CIITA: variants seen among roughly 807,000 people sequenced by gnomAD.
CIITA encodes the protein MHC class II transactivator.
Under a neutral mutation model 115.1 loss-of-function variants are expected in CIITA, and 72 were observed. That is an observed-to-expected ratio of 0.63 (90% CI 0.52 to 0.76). The LOEUF (loss-of-function observed/expected upper bound fraction) is 0.76. Ranked by LOEUF, CIITA falls within the 30% of genes least tolerant of loss-of-function variation. CIITA has a pLI of 0.00. For missense variants in CIITA, 1,617 were observed against 1,463.8 expected, an observed-to-expected ratio of 1.10 and a Z score of -1.71; for synonymous variants, 763 against 635.6, an observed-to-expected ratio of 1.20 and a Z score of -3.02.
chr16:10,914,009 C>CCTCACCACT (rs1227788243), intron 13 of CIITA, among the ~76,000 whole-genome samples: 2 of 149,802 alleles, frequency 1.3e-5, no homozygotes, highest in Non-Finnish European at 3.0e-5. Context: ...ACTCCATCCC[C>CCTCACCACT]CTCACCACTG....
intron 12 of CIITA, among the ~76,000 whole-genome samples, chr16:10,909,765 G>A (rs779257279): frequency 3.3e-5 from 5 of 152,126 alleles, no homozygotes; most frequent in South Asian, 2.1e-4. Flanking sequence ...ACAGGGTCTC[G>A]CTGTGTCTAC....
At position 10,901,992 on chromosome 16, in the gene CIITA, G is replaced by C. The variant is rs761881261; in HGVS notation, c.482-46G>C. The C allele has an allele frequency of 6.2e-7, 1 of 1,612,010 alleles. No homozygotes were observed. Among genetic ancestry groups the C allele is most frequent in the Non-Finnish European group, 8.5e-7 (1 of 1,179,654 alleles). ...TCCAGGGCCCTCCCCATCCCAGGAA[G>C]GCCCCTCCAAGCACCCAGTCTCTAA... is the stretch of plus-strand genomic sequence containing the variant. On this transcript the variant is annotated intron_variant, in intron 6 of 19. Coordinates refer to ENST00000324288, the MANE Select transcript of CIITA (RefSeq NM_000246.4). This position sits in a 1 kb window ranked among gnomAD's most constrained non-coding sequence, Gnocchi z 6.8.
rs1251278861 is a variant in CIITA at position 10,899,132 on chromosome 16, C to T, written c.436+130C>T. On this transcript the variant is annotated intron_variant, in intron 5 of 19. Coordinates refer to ENST00000324288, the MANE Select transcript of CIITA (RefSeq NM_000246.4). ...GTCTGGTTGGGAGGCCCTTTAAAAG[C>T]CAACAGGAGCCTTAAAATGTACATC... is the stretch of plus-strand genomic sequence containing the variant. 3.8e-6 allele frequency: 3 copies of T among 797,754 alleles called. No individual in the cohort carries two copies. The Admixed American group carries it at 6.0e-5, about 16-fold the overall frequency. 49.4% of individuals were successfully genotyped at this position (797,754 alleles called of 1,614,324 possible). A position where few individuals can be genotyped will look rare whatever the true frequency, so the allele number is the denominator to read the frequency against.
At chr16:10,885,557 C>G (rs1031024571) in intron 1 of CIITA, among the ~76,000 whole-genome samples, 1 of 150,992 alleles carries the variant, frequency 6.6e-6, no homozygotes, top group Non-Finnish European at 1.5e-5. Context: ...CTTAAGTCCT[C>G]TCTCTGTCTC....
rs1279723848 is a variant in CIITA, at chr16:10,936,053, GAAT to G, written c.*12204_*12206del. On this transcript the variant is annotated 3_prime_UTR_variant, in exon 20 of 20. Coordinates refer to ENST00000324288, the MANE Select transcript of CIITA (RefSeq NM_000246.4). Reference sequence around the variant, plus strand: ...TCACCCAGGCTGGAGTGCAGTGGTGGAATAATAACTCACTGCAGCCTTGAACTC... The same window carrying G: ...TCACCCAGGCTGGAGTGCAGTGGTGGAATAACTCACTGCAGCCTTGAACTC... The G allele has an allele frequency of 6.6e-6, 1 of 151,876 alleles. No homozygotes were observed. Among genetic ancestry groups the G allele is most frequent in the Non-Finnish European group, 1.5e-5 (1 of 68,010 alleles). The allele number at this position is 151,876 out of a possible 1,614,324, so 9.4% of individuals were successfully genotyped here.
intron 12 of CIITA, 134 bp from the exon 13 acceptor site, chr16:10,910,054 G>C (rs1410356336): frequency 1.4e-6 from 1 of 717,256 alleles, no homozygotes; most frequent in Non-Finnish European, 2.5e-6. Context: ...TTTTTAAGAG[G>C]GGGACAACAG....
Position 10,909,122 on chromosome 16 carries a change from C to G in CIITA, c.2751C>G (p.Ile917Met). Residue 917 changes from isoleucine (I) to methionine (M), a missense_variant, in exon 12 of 20, where the codon ATC becomes ATG. By Grantham distance (10) the Ile-to-Met change is conservative. Transcript: ENST00000324288. ...AGGCAGCAGAGGAGAAGTTCACCAT[C>G]GAGCCTTTCAAAGCCAAGTCCCTGA... Reference protein sequence around the residue: ...LLQAAEEKFTIEPFKAKSLKD... With the variant: ...LLQAAEEKFTMEPFKAKSLKD... 3.1e-6 allele frequency: 5 copies of G among 1,614,220 alleles called. No homozygotes were observed. The highest frequency in any genetic ancestry group is 4.2e-6 in the Non-Finnish European group (5 of 1,180,046).
Position 10,907,438 on chromosome 16 carries a change from C to G in CIITA, c.1946C>G (p.Ala649Gly). 7 of 1,613,166 alleles carry G rather than the reference C, an allele frequency of 4.3e-6. No homozygotes were observed. Among genetic ancestry groups the G allele is most frequent in the East Asian group, 4.5e-5 (2 of 44,862 alleles). The change falls in exon 11 of 20, where the codon GCC becomes GGC. Residue 649 changes from alanine to glycine, a missense_variant. Ala to Gly is a moderately conservative substitution (Grantham distance 60). Transcript: ENST00000324288. The surrounding 1 kb of genome is among the most constrained non-coding windows in gnomAD (Gnocchi z 5.0). ...TATGTCGGCCTGCTGGGCCGTGCAGCCCTCGACAGCCCCCCCGGGGCCCTG... is the reference window on the plus strand; with the variant it reads ...TATGTCGGCCTGCTGGGCCGTGCAGGCCTCGACAGCCCCCCCGGGGCCCTG... ...GLYVGLLGRAALDSPPGALAE... is the reference protein window; with the variant it reads ...GLYVGLLGRAGLDSPPGALAE...
Position 10,893,804 on chromosome 16 carries a change from T to TAAAAAAAAAAAAAA in CIITA, c.53-1461_53-1448dup, listed in dbSNP as rs71136603. ...AGCCTGGGTGACAGAGACTCCGTCT[T>TAAAAAAAAAAAAAA]AAAAAAAAAAAAAAAAAAAAAAAAA... On this transcript the variant is annotated intron_variant, in intron 1 of 19. Coordinates refer to ENST00000324288, the MANE Select transcript of CIITA (RefSeq NM_000246.4). Among the ~76,000 whole-genome samples, 50 of 32,170 alleles carry TAAAAAAAAAAAAAA rather than the reference T, an allele frequency of 1.6e-3. 6 individuals are homozygous for TAAAAAAAAAAAAAA. Among genetic ancestry groups the TAAAAAAAAAAAAAA allele is most frequent in the Admixed American group, 3.1e-3 (5 of 1,618 alleles). 21.1% of individuals were successfully genotyped at this position (32,170 alleles called of 152,430 possible).
At position 10,906,132 on chromosome 16, in the gene CIITA, G is replaced by A. The variant is rs1471231914; in HGVS notation, c.1007-367G>A. Reference sequence around the variant, plus strand: ...TGCTTGAGCCTGTGAGGTTGAAGCTGTGGTGGACCATGATTGTGCCATTGC... The same window carrying A: ...TGCTTGAGCCTGTGAGGTTGAAGCTATGGTGGACCATGATTGTGCCATTGC... On this transcript the variant is annotated intron_variant, in intron 10 of 19. Coordinates refer to ENST00000324288, the MANE Select transcript of CIITA (RefSeq NM_000246.4). 2.6e-5 allele frequency among the ~76,000 whole-genome samples: 4 copies of A among 152,070 alleles called. No homozygotes were observed. The East Asian group carries it at 7.7e-4, about 29-fold the overall frequency.
At chr16:10,886,438 T>A (rs1165311310) in intron 1 of CIITA, among the ~76,000 whole-genome samples, 2 of 152,164 alleles carry the variant, frequency 1.3e-5, no homozygotes, top group Admixed American at 6.5e-5. Flanking sequence ...GCAGTAACCA[T>A]CCTCAGATGG....
chr16:10,868,131 GT>G (rs1235019089), intron 1 of CIITA, among the ~76,000 whole-genome samples: 1 of 152,184 alleles, frequency 6.6e-6, no homozygotes, highest in Admixed American at 6.6e-5. Flanking sequence ...GAGAATAACA[GT>G]GATTGACATT....
upstream of CIITA, among the ~76,000 whole-genome samples, chr16:10,874,838 G>T (rs901728629): frequency 6.6e-6 from 1 of 152,148 alleles, no homozygotes; most frequent in Non-Finnish European, 1.5e-5. Context: ...GGGATGGGGG[G>T]ACATCAGAAC....
chr16:10,922,216 G>A lies in CIITA; in HGVS notation c.3199G>A (p.Val1067Met), dbSNP rs2040310320. Residue 1067 changes from valine to methionine, a missense_variant, in exon 17 of 20, where the codon GTG becomes ATG. Val to Met is a conservative substitution (Grantham distance 21). Coordinates refer to ENST00000324288, the MANE Select transcript of CIITA (RefSeq NM_000246.4). ...CGTGGGAGCCGAGAGCTTGGCTCGT[G>A]TGCTTCCGGACATGGTGTCCCTCCG... is the stretch of plus-strand genomic sequence containing the variant. ...CDVGAESLAR[V>M]LPDMVSLRVM... 5.0e-6 allele frequency: 8 copies of A among 1,614,256 alleles called. No homozygotes were observed. The highest frequency in any genetic ancestry group is 6.8e-6 in the Non-Finnish European group (8 of 1,180,048).
Position 10,942,933 on chromosome 16 carries a change from G to T in CIITA, n.2059G>T, listed in dbSNP as rs909162057. 1 of 152,234 alleles carries T rather than the reference G, an allele frequency of 6.6e-6. No homozygotes were observed. The highest frequency in any genetic ancestry group is 2.4e-5 in the African/African-American group (1 of 41,452). 9.4% of individuals were successfully genotyped at this position (152,234 alleles called of 1,614,324 possible). A position where few individuals can be genotyped will look rare whatever the true frequency, so the allele number is the denominator to read the frequency against. On this transcript the variant is annotated non_coding_transcript_exon_variant, in exon 2 of 2. Coordinates refer to the CIITA transcript ENST00000573379. This position sits in a 1 kb window ranked among gnomAD's most constrained non-coding sequence, Gnocchi z 5.0. ...TCGCTTCTCCAAACTCTGGTTGCTGGAAGGTCCGCCCACTACGGAACCTGC... is the reference window on the plus strand; with the variant it reads ...TCGCTTCTCCAAACTCTGGTTGCTGTAAGGTCCGCCCACTACGGAACCTGC...
rs142317834 is a variant in CIITA, at chr16:10,906,745, T to C, written c.1253T>C (p.Val418Ala). ...CCGCGTGAGACACGAGTGATTGCTG[T>C]GCTGGGCAAAGCTGGTCAGGGCAAG... is the stretch of plus-strand genomic sequence containing the variant. ...RRPRETRVIA[V>A]LGKAGQGKSY... Residue 418 changes from valine (V) to alanine (A), a missense_variant, in exon 11 of 20, where the codon GTG (valine) becomes GCG (alanine). Val to Ala is a moderately conservative substitution (Grantham distance 64, BLOSUM62 0). Transcript: ENST00000324288. 6 of 1,610,776 alleles carry C rather than the reference T, an allele frequency of 3.7e-6. No individual in the cohort carries two copies. The highest frequency in any genetic ancestry group is 1.6e-4 in the Middle Eastern group (1 of 6,084).
chr16:10,942,104 AC>A lies in CIITA; in HGVS notation n.1233del, dbSNP rs1253158890. The A allele has an allele frequency of 1.0e-6, 1 of 966,284 alleles. No homozygotes were observed. The highest frequency in any genetic ancestry group is 1.4e-6 in the Non-Finnish European group (1 of 718,038). 59.9% of individuals were successfully genotyped at this position (966,284 alleles called of 1,614,324 possible). On this transcript the variant is annotated non_coding_transcript_exon_variant, in exon 2 of 2. Transcript: ENST00000573379. This position sits in a 1 kb window ranked among gnomAD's most constrained non-coding sequence, Gnocchi z 5.0. ...GGGCACAGCGCAGCCATCCAGGGGTACCCTGGAGCCCGACAGAAGCAGGGCC... is the reference window on the plus strand; with the variant it reads ...GGGCACAGCGCAGCCATCCAGGGGTACCTGGAGCCCGACAGAAGCAGGGCC...
intron 13 of CIITA, chr16:10,915,084 G>A (rs544343702): frequency 2.9e-5 from 13 of 454,094 alleles, no homozygotes; most frequent in Admixed American, 4.7e-5. Context: ...ACAGGGTCTC[G>A]CTCTTACCCA....
rs765419901 is a variant in CIITA, at chr16:10,907,406, G to C, written c.1914G>C (p.Thr638=). Residue 638 remains threonine, a synonymous_variant, in exon 11 of 20, where the codon ACG becomes ACC. Transcript: ENST00000324288. This position sits in a 1 kb window ranked among gnomAD's most constrained non-coding sequence, Gnocchi z 5.0. ...ACGCCAAGCTGCCCTCCACGCTCAC[G>C]GGACTCTATGTCGGCCTGCTGGGCC... ...GEDAKLPSTL[T]GLYVGLLGRA... is the part of the protein sequence containing the mutation. The C allele has an allele frequency of 6.8e-6, 11 of 1,613,128 alleles. No homozygotes were observed. Among genetic ancestry groups the C allele is most frequent in the South Asian group, 1.1e-5 (1 of 91,052 alleles).
Sources: allele counts gnomAD v4.1 joint callset (sites outside exome capture counted in the v4.1 genomes callset), GRCh38; gene constraint gnomAD v4.1.1; non-coding constraint Gnocchi (gnomAD v3.1); transcripts MANE v1.5; gene names NCBI Gene and HGNC (gene_info 2026-07-23, HGNC 2026-07-21).